MRPS17: variants seen among roughly 807,000 people sequenced by gnomAD.
MRPS17 encodes small ribosomal subunit protein uS17m.
MRPS17 carries 6 observed loss-of-function variants against 11.3 expected under a neutral mutation model. The ratio of observed to expected loss-of-function variants is 0.53; its 90% CI spans 0.29 to 1.05. The LOEUF (loss-of-function observed/expected upper bound fraction) is 1.05. Ranked by LOEUF, MRPS17 falls within the 50% of genes least tolerant of loss-of-function variation. MRPS17 has a pLI of 0.08. For missense variants in MRPS17, 139 were observed against 153.6 expected (o/e 0.90, Z 0.50); for synonymous variants, 56 against 60.4 (o/e 0.93, Z 0.34).
Position 55,955,160 on chromosome 7 carries a change from T to C in MRPS17, c.375T>C (p.Asn125=). 1 of 1,614,140 alleles carries C rather than the reference T, an allele frequency of 6.2e-7. No individual in the cohort carries two copies. Among genetic ancestry groups the C allele is most frequent in the Non-Finnish European group, 8.5e-7 (1 of 1,180,030 alleles). ...TAAGCAAAAATCTGGAAGAACTCAA[T>C]ATCTCTTCAGCACAGTGAAGCGGGA... ...TQLSKNLEEL[N]ISSAQ The change falls in exon 3 of 3, where the codon AAT becomes AAC. Residue 125 remains asparagine (N), a synonymous_variant. Transcript: ENST00000285298.
In MRPS17 at chr7:55,954,965, T is replaced by C. The variant is rs776810977; in HGVS notation, c.180T>C (p.Val60=). 6.2e-7 allele frequency: 1 copy of C among 1,614,178 alleles called. No homozygotes were observed. Among genetic ancestry groups the C allele is most frequent in the Non-Finnish European group, 8.5e-7 (1 of 1,180,032 alleles). The change falls in exon 3 of 3, where the codon GTT becomes GTC. Residue 60 remains valine (V), a synonymous_variant. Coordinates refer to ENST00000285298, the MANE Select transcript of MRPS17 (RefSeq NM_015969.3). ...ACGATGCCCTTCAGCAGTGCACAGT[T>C]GGGGATATTGTGCTTCTCAGAGCTT... The part of the protein sequence containing the change: ...FAHDALQQCT[V]GDIVLLRALP...
chr7:55,955,255 A>G lies in MRPS17; in HGVS notation c.*77A>G. The G allele has an allele frequency of 1.3e-6, 2 of 1,512,398 alleles. No homozygotes were observed. The highest frequency in any genetic ancestry group is 1.8e-6 in the Non-Finnish European group (2 of 1,122,628). 93.7% of individuals were successfully genotyped at this position (1,512,398 alleles called of 1,614,324 possible). On this transcript the variant is annotated 3_prime_UTR_variant, in exon 3 of 3. Coordinates refer to ENST00000285298, the MANE Select transcript of MRPS17 (RefSeq NM_015969.3). ...GGAAAAAGAAATTTTTCTAAGTTTC[A>G]TCACAAACTGTGTCCAGTTTCTCTG...
intron 2 of MRPS17, among the ~76,000 whole-genome samples, chr7:55,954,401 A>C (rs1215766993): frequency 6.6e-6 from 1 of 152,110 alleles, no homozygotes; most frequent in Non-Finnish European, 1.5e-5. Context: ...CTTTTCTCAT[A>C]TGTACCTGCT....
intron 2 of MRPS17, among the ~76,000 whole-genome samples, chr7:55,954,565 T>TA (rs1227661763): frequency 2.0e-5 from 3 of 151,984 alleles, no homozygotes; most frequent in Non-Finnish European, 2.9e-5. Flanking sequence ...CCATCTCTAC[T>TA]AAAAAAACAT....
intron 2 of MRPS17, 24 bp downstream of exon 2, chr7:55,953,342 GTGGCTT>G (rs1562755940): frequency 4.3e-6 from 7 of 1,611,662 alleles, no homozygotes; most frequent in Non-Finnish European, 5.9e-6. Context: ...TTGTTTCCGG[GTGGCTT>G]TGGTAAATCA....
chr7:55,954,851 T>C (rs59849749), intron 2 of MRPS17, 58 bp from the exon 3 acceptor site: 334,975 of 1,565,814 alleles, frequency 0.21, 37,979 homozygotes, highest in East Asian at 0.32. Flanking sequence ...ATATTACATA[T>C]TACATTACCA....
intron 2 of MRPS17, among the ~76,000 whole-genome samples, chr7:55,954,697 C>T (rs535993203): frequency 6.6e-6 from 1 of 152,322 alleles, no homozygotes; most frequent in African/African-American, 2.4e-5. Context: ...CGTGCCATTG[C>T]ACTCCAGCCT....
intron 1 of MRPS17, 99 bp from the exon 2 acceptor site, chr7:55,953,080 G>GA (rs1398488324): frequency 1.6e-4 from 222 of 1,381,154 alleles, no homozygotes; most frequent in Non-Finnish European, 2.1e-4. Context: ...GAACGAAAAA[G>GA]AAAAAAACTG....
chr7:55,955,235 AAG>A lies in MRPS17; in HGVS notation c.*59_*60del. The A allele has an allele frequency of 6.4e-7, 1 of 1,552,732 alleles. No homozygotes were observed. The highest frequency in any genetic ancestry group is 8.7e-7 in the Non-Finnish European group (1 of 1,151,040). ...AACTGACATGTTTATGTTATGGAAA[AAG>A]AAATTTTTCTAAGTTTCATCACAAA... On this transcript the variant is annotated 3_prime_UTR_variant, in exon 3 of 3. Transcript: ENST00000285298.
In MRPS17 at chr7:55,956,412, T is replaced by C. The variant is rs964394937; in HGVS notation, c.*1234T>C. 6.6e-6 allele frequency: 1 copy of C among 151,996 alleles called. No individual in the cohort carries two copies. The highest frequency in any genetic ancestry group is 2.4e-5 in the African/African-American group (1 of 41,400). 9.4% of individuals were successfully genotyped at this position (151,996 alleles called of 1,614,324 possible). ...TGGATTACAGGCATGAGCCACTGCATGTAATGACCAGCCACTGGTCAGAAT... is the reference window on the plus strand; with the variant it reads ...TGGATTACAGGCATGAGCCACTGCACGTAATGACCAGCCACTGGTCAGAAT... On this transcript the variant is annotated 3_prime_UTR_variant, in exon 3 of 3. Coordinates refer to ENST00000285298, the MANE Select transcript of MRPS17 (RefSeq NM_015969.3).
At chr7:55,953,034 A>C (rs1241182577) in intron 1 of MRPS17, 145 bp from the exon 2 acceptor site, 2 of 995,186 alleles carry the variant, frequency 2.0e-6, no homozygotes, top group African/African-American at 3.3e-5. Context: ...TACATCTAAA[A>C]AAAAACAAAA....
At chr7:55,953,438 G>T in intron 2 of MRPS17, 120 bp downstream of exon 2, 1 of 1,406,474 alleles carries the variant, frequency 7.1e-7, no homozygotes, top group Middle Eastern at 2.6e-4. Context: ...TTTGAGCCAG[G>T]CATTTTGCTG....
chr7:55,952,867 T>A (rs1256100584), intron 1 of MRPS17, among the ~76,000 whole-genome samples: 1 of 149,180 alleles, frequency 6.7e-6, no homozygotes, highest in Non-Finnish European at 1.5e-5. Context: ...CCATCTCTAC[T>A]AAAAATACAA....
At position 55,955,165 on chromosome 7, in the gene MRPS17, C is replaced by G; in HGVS notation, c.380C>G (p.Ser127Cys). ...LSKNLEELNI[S>C]SAQ is the part of the protein sequence containing the mutation. ...AAAAATCTGGAAGAACTCAATATCT[C>G]TTCAGCACAGTGAAGCGGGAGTGGA... Residue 127 changes from serine (S) to cysteine (C), a missense_variant, in exon 3 of 3, where the codon TCT becomes TGT. Coordinates refer to ENST00000285298, the MANE Select transcript of MRPS17 (RefSeq NM_015969.3). 1 of 1,613,522 alleles carries G rather than the reference C, an allele frequency of 6.2e-7. No individual in the cohort carries two copies.
intron 2 of MRPS17, 97 bp from the exon 3 acceptor site, chr7:55,954,812 C>T (rs1786702691): frequency 1.4e-6 from 2 of 1,435,344 alleles, no homozygotes; most frequent in Non-Finnish European, 1.9e-6. Flanking sequence ...TTCCTAAGTC[C>T]TGGCTTGTTT....
intron 1 of MRPS17, 139 bp from the exon 2 acceptor site, chr7:55,953,040 C>A (rs1786669724): frequency 2.0e-6 from 2 of 987,314 alleles, no homozygotes; most frequent in African/African-American, 1.6e-5. Context: ...TAAAAAAAAA[C>A]AAAACAAAAC....
Position 55,953,288 on chromosome 7 carries a change from C to G in MRPS17, c.93C>G (p.Thr31=). The G allele has an allele frequency of 6.2e-7, 1 of 1,614,030 alleles. No homozygotes were observed. ...AAAAGACTGCTAAAGTGAGAGTGACCAGGCTTGTTCTGGATCCCTATTTAT... is the reference window on the plus strand; with the variant it reads ...AAAAGACTGCTAAAGTGAGAGTGACGAGGCTTGTTCTGGATCCCTATTTAT... ...KMQKTAKVRV[T]RLVLDPYLLK... Residue 31 remains threonine, a synonymous_variant, in exon 2 of 3, where the codon ACC becomes ACG. Coordinates refer to ENST00000285298, the MANE Select transcript of MRPS17 (RefSeq NM_015969.3).
At chr7:55,953,398 C>G in intron 2 of MRPS17, 80 bp downstream of exon 2, 4 of 1,564,366 alleles carry the variant, frequency 2.6e-6, no homozygotes, top group Non-Finnish European at 3.5e-6. Context: ...ACATTTATCT[C>G]TCAGTAAAGA....
intron 2 of MRPS17, among the ~76,000 whole-genome samples, chr7:55,953,593 G>A (rs542256466): frequency 2.6e-5 from 4 of 152,192 alleles, no homozygotes; most frequent in South Asian, 2.1e-4. Flanking sequence ...AGGCCGATGC[G>A]GTTGGATCAC....
Sources: allele counts gnomAD v4.1 joint callset (sites outside exome capture counted in the v4.1 genomes callset), GRCh38; gene constraint gnomAD v4.1.1; transcripts MANE v1.5; gene names NCBI Gene and HGNC (gene_info 2026-07-23, HGNC 2026-07-21).